The following SRGAP2C variants were observed in gnomAD, a reference collection of about 807,000 sequenced individuals.
The protein encoded by SRGAP2C is SLIT-ROBO Rho GTPase activating protein 2C, also known as SLIT-ROBO Rho GTPase-activating protein 2C.
In SRGAP2C, 15 loss-of-function variants were observed where a neutral mutation model predicts 25.1. The ratio of observed to expected loss-of-function variants is 0.60; its 90% confidence interval spans 0.40 to 0.92. The LOEUF (loss-of-function observed/expected upper bound fraction) is 0.92, where lower values mean the gene tolerates loss of function less well. SRGAP2C is among the 40% of genes least tolerant of loss of function. SRGAP2C has a pLI of 0.00. For synonymous variants in SRGAP2C, 44 were observed against 96.6 expected, an observed-to-expected ratio of 0.46 and a Z score of 3.19; for missense variants, 144 against 264.4, an observed-to-expected ratio of 0.54 and a Z score of 3.16.
intron 7 of SRGAP2C, 59 bp downstream of exon 7, chr1:121,375,013 C>T: frequency 1.3e-6 from 1 of 741,562 alleles, no homozygotes; most frequent in East Asian, 2.5e-5. Context: ...GAATACTCGT[C>T]AGACATTCCC....
chr1:121,285,119 G>A (rs1471322795), intron 3 of SRGAP2C, 124 bp downstream of exon 3: 6 of 485,222 alleles, frequency 1.2e-5, no homozygotes, highest in East Asian at 3.3e-5. Context: ...TTGGTTGAAA[G>A]CCCTCAAGGA....
Position 121,185,025 on chromosome 1 carries a change from G to T in SRGAP2C, c.-642G>T, listed in dbSNP as rs1277942821. 2 of 516,948 alleles carry T rather than the reference G, an allele frequency of 3.9e-6. No individual in the cohort carries two copies. Among genetic ancestry groups the T allele is most frequent in the South Asian group, 5.8e-5 (2 of 34,744 alleles). The allele number at this position is 516,948 out of a possible 1,614,324, so 32.0% of individuals were successfully genotyped here. On this transcript the variant is annotated 5_prime_UTR_variant, in exon 1 of 10. Transcript: ENST00000367123. ...GGCGGAGGCTCCTCCAGGGACTGGG[G>T]CACCGATCTGCGTAGAAACGGGTGG...
At chr1:121,211,405 A>G (rs1252199826) in intron 2 of SRGAP2C, among the ~76,000 whole-genome samples, 1 of 122,586 alleles carries the variant, frequency 8.2e-6, no homozygotes, top group Non-Finnish European at 1.7e-5. Context: ...AGAGAGATAT[A>G]TATATACACA....
chr1:121,315,095 A>C (rs1658066775), intron 3 of SRGAP2C: 1 of 677,358 alleles, frequency 1.5e-6, no homozygotes, highest in African/African-American at 2.0e-5. Flanking sequence ...GGTGAGGCGA[A>C]GGTCTCTGGT....
At chr1:121,287,597 T>C (rs1374609563) in intron 3 of SRGAP2C, among the ~76,000 whole-genome samples, 1 of 152,124 alleles carries the variant, frequency 6.6e-6, no homozygotes, top group Non-Finnish European at 1.5e-5. Context: ...ATGGACGTAT[T>C]TGTTACAAAT....
At chr1:121,285,634 T>C (rs1368167916) in intron 3 of SRGAP2C, among the ~76,000 whole-genome samples, 1 of 143,740 alleles carries the variant, frequency 7.0e-6, no homozygotes, top group Non-Finnish European at 1.5e-5. Context: ...TGGTTCCCAG[T>C]GCCATTGCCC....
chr1:121,275,593 T>G lies in SRGAP2C; in HGVS notation c.68-9210T>G, dbSNP rs782359626. ...TGGGATCCTTTTGTCTTTAACTTGCTTTTGAGTCACTTGAAAGAACTAAGG... is the reference window on the plus strand; with the variant it reads ...TGGGATCCTTTTGTCTTTAACTTGCGTTTGAGTCACTTGAAAGAACTAAGG... On this transcript the variant is annotated intron_variant, in intron 2 of 9. Transcript: ENST00000367123. 1.6e-3 allele frequency among the ~76,000 whole-genome samples: 230 copies of G among 145,482 alleles called. 4 individuals are homozygous for G. The highest frequency in any genetic ancestry group is 2.5e-3 in the Non-Finnish European group (166 of 66,176).
intron 3 of SRGAP2C, among the ~76,000 whole-genome samples, chr1:121,301,877 C>T: frequency 8.8e-6 from 1 of 113,450 alleles, no homozygotes; most frequent in South Asian, 3.5e-4. Context: ...AACATTTATT[C>T]TGTGCCAAGA....
rs1657323957 is a variant in SRGAP2C, at chr1:121,284,873, G to A, written c.138G>A (p.Leu46=). The A allele has an allele frequency of 1.7e-6, 2 of 1,200,054 alleles. No individual in the cohort carries two copies. Among genetic ancestry groups the A allele is most frequent in the Non-Finnish European group, 2.4e-6 (2 of 840,648 alleles). 74.3% of individuals were successfully genotyped at this position (1,200,054 alleles called of 1,614,324 possible). A position where few individuals can be genotyped will look rare whatever the true frequency, so the allele number is the denominator to read the frequency against. Residue 46 remains leucine, a synonymous_variant, in exon 3 of 10, where the codon TTG becomes TTA. Coordinates refer to ENST00000367123, the MANE Select transcript of SRGAP2C (RefSeq NM_001329984.2). ...DQQCELRVQL[L]QDLQDFFRKK... ...AGTGTGAGCTTCGGGTGCAACTGTT[G>A]CAGGACCTCCAGGACTTCTTCCGAA...
chr1:121,379,026 A>G (rs587726628), intron 7 of SRGAP2C, among the ~76,000 whole-genome samples: 220 of 152,178 alleles, frequency 1.4e-3, no homozygotes, highest in Non-Finnish European at 2.6e-3. Context: ...GGCTCTCTCA[A>G]CCCAGGAGCA....
Position 121,385,702 on chromosome 1 carries a change from G to A in SRGAP2C, c.1057-804G>A, listed in dbSNP as rs1659944960. On this transcript the variant is annotated intron_variant, in intron 8 of 9. Transcript: ENST00000367123. ...AAGGACGAACGGTAACAAGGTGACA[G>A]GAGCTGTCTCCACATGGGTCCTGCC... Among the ~76,000 whole-genome samples the A allele has an allele frequency of 2.0e-5, 3 of 152,132 alleles. No individual in the cohort carries two copies. The East Asian group carries it at 5.8e-4, about 30-fold the overall frequency.
At chr1:121,263,108 C>G (rs1477591545) in intron 2 of SRGAP2C, among the ~76,000 whole-genome samples, 3 of 151,714 alleles carry the variant, frequency 2.0e-5, no homozygotes, top group African/African-American at 7.3e-5. Context: ...AATCTCAGCA[C>G]TTTGGGAGGC....
In SRGAP2C at chr1:121,289,265, A is replaced by G. The variant is rs1657442553; in HGVS notation, c.260+4270A>G. Among the ~76,000 whole-genome samples the G allele has an allele frequency of 2.0e-4, 30 of 148,342 alleles. No individual in the cohort carries two copies. The South Asian group carries it at 6.4e-3, about 32-fold the overall frequency. On this transcript the variant is annotated intron_variant, in intron 3 of 9. Coordinates refer to ENST00000367123, the MANE Select transcript of SRGAP2C (RefSeq NM_001329984.2). Reference sequence around the variant, plus strand: ...GCCCTGCCCCGCGGGAAGGCAGCTAAGGCCCAGCGAGAAATCGAGCACAGC... The same window carrying G: ...GCCCTGCCCCGCGGGAAGGCAGCTAGGGCCCAGCGAGAAATCGAGCACAGC...
chr1:121,218,775 C>T (rs587745711), intron 2 of SRGAP2C, among the ~76,000 whole-genome samples: 6 of 152,154 alleles, frequency 3.9e-5, no homozygotes, highest in East Asian at 1.9e-4. Flanking sequence ...TGAATGTACA[C>T]GTATTCACAA....
intron 2 of SRGAP2C, among the ~76,000 whole-genome samples, chr1:121,258,369 A>T (rs1419602986): frequency 6.6e-6 from 1 of 150,950 alleles, no homozygotes; most frequent in Non-Finnish European, 1.5e-5. Context: ...ATTGCACAGC[A>T]GCTGAGTATT....
intron 2 of SRGAP2C, among the ~76,000 whole-genome samples, chr1:121,272,913 T>A (rs1207967249): frequency 6.7e-6 from 1 of 150,312 alleles, no homozygotes; most frequent in African/African-American, 2.4e-5. Context: ...ATATTCTCCA[T>A]CTCTTTTATT....
intron 3 of SRGAP2C, among the ~76,000 whole-genome samples, chr1:121,321,927 TTTTG>T (rs1658214540): frequency 1.3e-5 from 2 of 152,078 alleles, no homozygotes; most frequent in East Asian, 1.9e-4. Context: ...CTAGCTGGCC[TTTTG>T]TTTGTACCAC....
At chr1:121,267,589 A>G (rs1412002034) in intron 2 of SRGAP2C, among the ~76,000 whole-genome samples, 1 of 130,524 alleles carries the variant, frequency 7.7e-6, no homozygotes, top group Non-Finnish European at 1.6e-5. Context: ...TGGGGAGTAA[A>G]ATTTAGGAAA....
intron 4 of SRGAP2C, among the ~76,000 whole-genome samples, chr1:121,346,627 GC>G (rs1658749753): frequency 6.6e-6 from 1 of 152,186 alleles, no homozygotes; most frequent in Admixed American, 6.5e-5. Context: ...AGGGAGTTGA[GC>G]TTTTTGCTCC....
Sources: gnomAD v4.1 joint callset for allele counts (sites outside exome capture counted in the v4.1 genomes callset) on GRCh38, gnomAD v4.1.1 for gene constraint, MANE v1.5 for transcripts, NCBI Gene and HGNC (gene_info 2026-07-23, HGNC 2026-07-21) for gene names.